The following ANO3 variants were observed in gnomAD, a reference collection of about 807,000 sequenced individuals.
ANO3 encodes the protein anoctamin 3.
A neutral mutation model predicts 144.8 loss-of-function variants in ANO3; 99 were observed. That is an observed-to-expected ratio of 0.68 (90% CI 0.58 to 0.81). The LOEUF (loss-of-function observed/expected upper bound fraction) is 0.81. ANO3 is among the 30% of genes least tolerant of loss of function. The pLI, the probability that ANO3 is intolerant of heterozygous loss-of-function variation, is 0.00. For missense variants in ANO3, 905 were observed against 1,202.2 expected (o/e 0.75, Z 3.66); for synonymous variants, 414 against 392.6 (o/e 1.05, Z -0.64).
intron 1 of ANO3, among the ~76,000 whole-genome samples, chr11:26,236,556 T>C (rs191913291): frequency 5.4e-4 from 82 of 152,260 alleles, no homozygotes; most frequent in Middle Eastern, 3.4e-3. Flanking sequence ...CCGCGGCTCA[T>C]GCCTGTAATC....
chr11:26,593,098 T>C (rs1851500239), intron 14 of ANO3, among the ~76,000 whole-genome samples: 1 of 152,124 alleles, frequency 6.6e-6, no homozygotes, highest in South Asian at 2.1e-4. Context: ...CTCTTTAGGT[T>C]TCTGTACAGC....
intron 1 of ANO3, among the ~76,000 whole-genome samples, chr11:26,190,148 C>G (rs937470285): frequency 3.3e-5 from 5 of 152,114 alleles, no homozygotes; most frequent in Non-Finnish European, 7.4e-5. Context: ...AAAAGTTAAG[C>G]AAAGCTATTA....
chr11:26,465,262 A>G (rs1859559430), intron 4 of ANO3, among the ~76,000 whole-genome samples: 1 of 143,026 alleles, frequency 7.0e-6, no homozygotes, highest in African/African-American at 2.6e-5. Context: ...TATGGTTCAA[A>G]TGAACCTATT....
In ANO3 at chr11:26,521,171, C is replaced by T. The variant is rs574466901; in HGVS notation, c.692+4244C>T. On this transcript the variant is annotated intron_variant, in intron 6 of 26. Transcript: ENST00000256737. ...GCAAATTATTTTCGTGATGGCCAAT[C>T]TAGTCTCCAATTGACAATTGTTAGC... Among the ~76,000 whole-genome samples the T allele has an allele frequency of 1.2e-4, 18 of 152,260 alleles. No homozygotes were observed. The South Asian group carries it at 3.5e-3, about 30-fold the overall frequency.
intron 14 of ANO3, among the ~76,000 whole-genome samples, chr11:26,568,008 C>T (rs1331837209): frequency 6.6e-6 from 1 of 151,912 alleles, no homozygotes; most frequent in Non-Finnish European, 1.5e-5. Flanking sequence ...TTGGGTGGAG[C>T]ATGGAAGGAG....
chr11:26,624,413 T>C (rs776831042), intron 17 of ANO3, 49 bp from the exon 18 acceptor site: 1 of 1,396,218 alleles, frequency 7.2e-7, no homozygotes, highest in Non-Finnish European at 1.0e-6. Context: ...ATACCAGCCT[T>C]TTCCAAAAGA....
At chr11:26,226,028 T>G (rs1423064832) in intron 1 of ANO3, among the ~76,000 whole-genome samples, 2 of 152,096 alleles carry the variant, frequency 1.3e-5, no homozygotes, top group Non-Finnish European at 2.9e-5. Context: ...AGCAGTTTTT[T>G]GGGGGGTTAT....
At chr11:26,384,579 T>C (rs958341342) in intron 1 of ANO3, among the ~76,000 whole-genome samples, 1 of 152,186 alleles carries the variant, frequency 6.6e-6, no homozygotes, top group Admixed American at 6.5e-5. Flanking sequence ...TGATTCCTTC[T>C]TTTTCCTTAT....
intron 1 of ANO3, among the ~76,000 whole-genome samples, chr11:26,380,513 G>T (rs894836824): frequency 1.3e-5 from 2 of 152,132 alleles, no homozygotes; most frequent in Non-Finnish European, 2.9e-5. Context: ...TCATTCCTCA[G>T]AGATGATGCC....
intron 1 of ANO3, among the ~76,000 whole-genome samples, chr11:26,433,606 G>A (rs1364303513): frequency 6.6e-6 from 1 of 152,108 alleles, no homozygotes; most frequent in Non-Finnish European, 1.5e-5. Flanking sequence ...TAACATGAAG[G>A]AATATTGAAT....
At chr11:26,412,166 G>A (rs1565009622) in intron 1 of ANO3, among the ~76,000 whole-genome samples, 1 of 151,978 alleles carries the variant, frequency 6.6e-6, no homozygotes, top group Non-Finnish European at 1.5e-5. Flanking sequence ...TACAAGGCTA[G>A]CTTTTAATAT....
intron 4 of ANO3, among the ~76,000 whole-genome samples, chr11:26,502,753 C>A (rs1338265922): frequency 6.6e-6 from 1 of 151,606 alleles, no homozygotes. Flanking sequence ...TGATAAAATC[C>A]CTGAAAGTTT....
Position 26,237,658 on chromosome 11 carries a change from A to T in ANO3, c.154+48328A>T, listed in dbSNP as rs35430915. ...ATGTTATTCTCTGATCTTATAATGG[A>T]AGTGAAGAACATTATTCCTTGACTC... On this transcript the variant is annotated intron_variant, in intron 1 of 27. Coordinates refer to the ANO3 transcript ENST00000672621. Among the ~76,000 whole-genome samples the T allele has an allele frequency of 6.2e-3, 950 of 152,150 alleles. 6 individuals carry two copies. The highest frequency in any genetic ancestry group is 0.01 in the Non-Finnish European group (695 of 67,936).
intron 14 of ANO3, chr11:26,565,713 A>G: frequency 1.2e-6 from 2 of 1,613,394 alleles, no homozygotes; most frequent in Non-Finnish European, 1.7e-6. Context: ...TTCACTTTCC[A>G]AAGAAATAGG....
intron 16 of ANO3, 54 bp from the exon 17 acceptor site, chr11:26,599,496 T>A: frequency 6.4e-7 from 1 of 1,567,230 alleles, no homozygotes; most frequent in Non-Finnish European, 8.7e-7. Context: ...GTTTTGCTTT[T>A]GACTTGTTAA....
At chr11:26,602,568 G>GT (rs926302293) in intron 17 of ANO3, among the ~76,000 whole-genome samples, 255 of 142,734 alleles carry the variant, frequency 1.8e-3, no homozygotes, top group Middle Eastern at 7.5e-3. Context: ...TGCTACAAAA[G>GT]TTTTTTTTTC....
At chr11:26,563,174 T>A (rs372786334) in intron 14 of ANO3, 75 of 1,612,446 alleles carry the variant, frequency 4.7e-5, no homozygotes, top group Non-Finnish European at 5.8e-5. Flanking sequence ...TTTTCCTTTT[T>A]CCACACAACA....
chr11:26,366,793 T>C (rs1856100027), intron 1 of ANO3, among the ~76,000 whole-genome samples: 1 of 143,312 alleles, frequency 7.0e-6, no homozygotes, highest in Non-Finnish European at 1.5e-5. Context: ...GAAATGTCTG[T>C]TCATATCCTT....
chr11:26,647,034 T>C (rs1363989536), intron 23 of ANO3, among the ~76,000 whole-genome samples: 2 of 152,182 alleles, frequency 1.3e-5, no homozygotes, highest in African/African-American at 4.8e-5. Flanking sequence ...TTTAGTGCTG[T>C]AGAGCATTTT....
Sources: gnomAD v4.1 joint callset for allele counts (sites outside exome capture counted in the v4.1 genomes callset) on GRCh38, gnomAD v4.1.1 for gene constraint, MANE v1.5 for transcripts, NCBI Gene and HGNC (gene_info 2026-07-23, HGNC 2026-07-21) for gene names.